EHBP1: variants seen among roughly 807,000 people sequenced by gnomAD.
EHBP1 encodes EH domain-binding protein 1.
A neutral mutation model predicts 144.0 loss-of-function variants in EHBP1; 55 were observed. The ratio of observed to expected loss-of-function variants is 0.38; its 90% confidence interval spans 0.31 to 0.48. The LOEUF is 0.48. Among genes scored for constraint, EHBP1 ranks in the 20% least tolerant of loss-of-function variants. EHBP1 has a pLI of 0.98. For synonymous variants in EHBP1, 469 were observed against 472.7 expected (o/e 0.99, Z 0.10); for missense variants, 1,200 against 1,364.2 (o/e 0.88, Z 1.90).
chr2:63,037,452 T>A, intron 19 of EHBP1, 83 bp from the exon 20 acceptor site: 1 of 879,354 alleles, frequency 1.1e-6, no homozygotes, highest in South Asian at 1.6e-5. Flanking sequence ...AAATGTTTTC[T>A]ATGTTTAAAA....
At chr2:62,859,007 A>G (rs1039395130) in intron 7 of EHBP1, among the ~76,000 whole-genome samples, 162 bp from the exon 8 acceptor site, 5 of 152,194 alleles carry the variant, frequency 3.3e-5, no homozygotes, top group Non-Finnish European at 5.9e-5. Context: ...AAATGTTGGT[A>G]TGCTACAAAA....
At chr2:62,785,380 G>A (rs902593566) in intron 5 of EHBP1, among the ~76,000 whole-genome samples, 22 of 152,338 alleles carry the variant, frequency 1.4e-4, no homozygotes, top group African/African-American at 5.1e-4. Context: ...AACTGGGACA[G>A]TGGCCTTAGC....
rs146512009 is a variant in EHBP1 at position 62,914,992 on chromosome 2, C to A, written c.1186-27726C>A. Reference sequence around the variant, plus strand: ...CCCTTAGATATTACATTTATATGTGCTATTATAGTCTATTATTAATATATA... The same window carrying A: ...CCCTTAGATATTACATTTATATGTGATATTATAGTCTATTATTAATATATA... On this transcript the variant is annotated intron_variant, in intron 10 of 22. Transcript: ENST00000431489. 3.6e-3 allele frequency among the ~76,000 whole-genome samples: 553 copies of A among 151,968 alleles called. 7 individuals are homozygous for A. Among genetic ancestry groups the A allele is most frequent in the African/African-American group, 0.012 (505 of 41,486 alleles).
At chr2:62,868,975 A>G (rs550178509) in intron 9 of EHBP1, among the ~76,000 whole-genome samples, 12 of 152,282 alleles carry the variant, frequency 7.9e-5, no homozygotes, top group Admixed American at 6.5e-4. Flanking sequence ...AAATTTAAAA[A>G]TTTATTAAAA....
rs2061916696 is a variant in EHBP1 at position 63,045,382 on chromosome 2, C to T, written c.3393-28C>T. ...CCACGAAGAAAAATAATTTTGTTTC[C>T]TGTTTGTCCTGTTTGTCTGACATCC... is the stretch of plus-strand genomic sequence containing the variant. On this transcript the variant is annotated intron_variant, in intron 22 of 22. Transcript: ENST00000431489. The surrounding 1 kb of genome is among the most constrained non-coding windows in gnomAD (Gnocchi z 5.7). 6.2e-7 allele frequency: 1 copy of T among 1,604,084 alleles called. No homozygotes were observed. The highest frequency in any genetic ancestry group is 1.1e-5 in the South Asian group (1 of 90,796).
chr2:62,812,805 G>A (rs2045126234), intron 5 of EHBP1, among the ~76,000 whole-genome samples: 1 of 152,144 alleles, frequency 6.6e-6, no homozygotes, highest in African/African-American at 2.4e-5. Flanking sequence ...TGTGAGTGGA[G>A]AGAAATTATT....
chr2:62,711,239 G>C lies in EHBP1; in HGVS notation c.104+3944G>C, dbSNP rs368798837. ...ATAGTAAAATGCATCCATTTTAAGT[G>C]TACAGTTCAGTGAGTTTTGACAATT... is the stretch of plus-strand genomic sequence containing the variant. On this transcript the variant is annotated intron_variant, in intron 2 of 22. Coordinates refer to ENST00000431489, the MANE Select transcript of EHBP1 (RefSeq NM_001142616.3). Among the ~76,000 whole-genome samples, 75 of 152,314 alleles carry C rather than the reference G, an allele frequency of 4.9e-4. 1 individual carries two copies. The highest frequency in any genetic ancestry group is 1.8e-3 in the African/African-American group (74 of 41,578).
At chr2:62,977,833 G>C (rs565136850) in intron 14 of EHBP1, among the ~76,000 whole-genome samples, 1 of 152,266 alleles carries the variant, frequency 6.6e-6, no homozygotes, top group South Asian at 2.1e-4. Context: ...AAGTAACATA[G>C]AGGAAGGATT....
At chr2:62,990,339 A>G (rs1052398837) in intron 15 of EHBP1, among the ~76,000 whole-genome samples, 8 of 152,156 alleles carry the variant, frequency 5.3e-5, no homozygotes, top group Non-Finnish European at 1.0e-4. Flanking sequence ...ACTACAAAAT[A>G]ATATTCAAAA....
intron 2 of EHBP1, among the ~76,000 whole-genome samples, chr2:62,734,325 T>TA (rs556748303): frequency 1.2e-3 from 183 of 151,458 alleles, no homozygotes; most frequent in African/African-American, 3.9e-3. Flanking sequence ...TTTCCTTTTT[T>TA]AAAAAAAACA....
chr2:62,784,487 C>T (rs151151176), intron 5 of EHBP1, among the ~76,000 whole-genome samples: 132 of 152,228 alleles, frequency 8.7e-4, no homozygotes, highest in African/African-American at 3.1e-3. Flanking sequence ...AGCAAATCAT[C>T]GAAATATAGT....
intron 9 of EHBP1, among the ~76,000 whole-genome samples, chr2:62,869,317 A>G (rs960124385): frequency 6.6e-6 from 1 of 152,258 alleles, no homozygotes; most frequent in Non-Finnish European, 1.5e-5. Context: ...AAGTGAAAGC[A>G]TATGTCCACA....
chr2:62,905,513 A>G lies in EHBP1; in HGVS notation c.1185+30981A>G, dbSNP rs574828789. Among the ~76,000 whole-genome samples the G allele has an allele frequency of 5.5e-4, 83 of 152,168 alleles. 1 individual carries two copies. Among genetic ancestry groups the G allele is most frequent in the African/African-American group, 1.9e-3 (77 of 41,536 alleles). On this transcript the variant is annotated intron_variant, in intron 10 of 22. Transcript: ENST00000431489. The stretch of plus-strand genomic sequence containing the variant: ...GTATTTTAAGCAGGGAAATGATATA[A>G]TCAGGTACATGCTTGAAACGATCAC...
At chr2:62,944,001 G>T (rs1313523692) in intron 12 of EHBP1, 151 bp downstream of exon 12, 3 of 506,920 alleles carry the variant, frequency 5.9e-6, no homozygotes, top group Non-Finnish European at 1.1e-5. Context: ...AGGATACATG[G>T]TTTACTCTGG....
At chr2:62,910,918 C>T (rs758851196) in intron 10 of EHBP1, among the ~76,000 whole-genome samples, 2 of 152,086 alleles carry the variant, frequency 1.3e-5, no homozygotes, top group East Asian at 1.9e-4. Flanking sequence ...GTTTGTTTTA[C>T]GAACGTTTAA....
intron 1 of EHBP1, among the ~76,000 whole-genome samples, chr2:62,677,534 G>A (rs11900596): frequency 0.8 from 122,256 of 151,982 alleles, 49,418 homozygotes; most frequent in East Asian, 0.91. Flanking sequence ...TAAATGTACA[G>A]TTATTTTTTA....
chr2:62,877,523 G>A (rs2050995214), intron 10 of EHBP1, among the ~76,000 whole-genome samples: 1 of 152,136 alleles, frequency 6.6e-6, no homozygotes, highest in Non-Finnish European at 1.5e-5. Flanking sequence ...ACAGAACACT[G>A]TGACCAACAA....
chr2:62,869,524 A>G (rs1180968697), intron 9 of EHBP1, among the ~76,000 whole-genome samples: 2 of 152,192 alleles, frequency 1.3e-5, no homozygotes, highest in Non-Finnish European at 2.9e-5. Flanking sequence ...GACAGACCAG[A>G]AAATACTATA....
chr2:62,797,412 A>G (rs2043616053), intron 5 of EHBP1, among the ~76,000 whole-genome samples: 1 of 152,238 alleles, frequency 6.6e-6, no homozygotes, highest in Non-Finnish European at 1.5e-5. Context: ...TTTTATCAAT[A>G]GTTAACCTGA....
Sources: gnomAD v4.1 joint callset for allele counts (sites outside exome capture counted in the v4.1 genomes callset) on GRCh38, gnomAD v4.1.1 for gene constraint, Gnocchi (gnomAD v3.1) non-coding constraint, MANE v1.5 for transcripts, NCBI Gene and HGNC (gene_info 2026-07-23, HGNC 2026-07-21) for gene names.